Variants in ATP11C observed in about 807,000 individuals in gnomAD.
ATP11C encodes the protein phospholipid-transporting ATPase IG.
ATP11C carries 36 observed loss-of-function variants against 97.4 expected under a neutral mutation model. That is an observed-to-expected ratio of 0.37 (90% confidence interval 0.28 to 0.49). ATP11C has a LOEUF of 0.49. Ranked by LOEUF, ATP11C falls within the 20% of genes least tolerant of loss-of-function variation. The pLI, the probability that ATP11C is intolerant of heterozygous loss-of-function variation, is 0.98. For synonymous variants in ATP11C, 275 were observed against 290.9 expected, an observed-to-expected ratio of 0.95 and a Z score of 0.56; for missense variants, 730 against 824.6, an observed-to-expected ratio of 0.89 and a Z score of 1.40.
At chrX:139,801,102 C>G (rs2082918825) in intron 7 of ATP11C, among the ~76,000 whole-genome samples, 2 of 112,280 alleles carry the variant, frequency 1.8e-5, no homozygotes, top group African/African-American at 6.5e-5. Context: ...AAGGAATAAC[C>G]TTCCCTGTCC....
At chrX:139,826,619 T>C in intron 2 of ATP11C, 85 bp downstream of exon 2, 1 of 817,487 alleles carries the variant, frequency 1.2e-6, no homozygotes, top group Non-Finnish European at 1.8e-6. Flanking sequence ...CATACATAAA[T>C]GCATCAGTTT....
chrX:139,801,090 A>G (rs778488796), intron 7 of ATP11C, among the ~76,000 whole-genome samples: 33 of 112,558 alleles, frequency 2.9e-4, no homozygotes, highest in African/African-American at 9.7e-4. Context: ...GTCTAAGGAA[A>G]TAAGGAATAA....
chrX:139,739,628 T>C (rs909208671), intron 27 of ATP11C, among the ~76,000 whole-genome samples: 12 of 112,129 alleles, frequency 1.1e-4, no homozygotes, highest in African/African-American at 3.9e-4. Flanking sequence ...CACTAATGAA[T>C]AAACAGGTGT....
chrX:139,802,310 T>C lies in ATP11C; in HGVS notation c.585A>G (p.Ala195=), dbSNP rs911542561. The C allele has an allele frequency of 3.3e-6, 4 of 1,202,598 alleles. No individual in the cohort carries two copies. Among genetic ancestry groups the C allele is most frequent in the Non-Finnish European group, 4.5e-6 (4 of 888,548 alleles). ...KTHYAVRDTI[A]LCTAESIDTL... ...TATCGATGGATTCTGCTGTACACAGTGCAATGGTATCACGTACTGCATAAT... is the reference window on the plus strand; with the variant it reads ...TATCGATGGATTCTGCTGTACACAGCGCAATGGTATCACGTACTGCATAAT... Residue 195 remains alanine, a synonymous_variant, in exon 7 of 30, where the codon GCA becomes GCG. Transcript: ENST00000682941.
chrX:139,861,207 A>G (rs1376609096), intron 1 of ATP11C, among the ~76,000 whole-genome samples: 1 of 112,241 alleles, frequency 8.9e-6, no homozygotes, highest in Non-Finnish European at 1.9e-5. Context: ...CAAATATGAT[A>G]TGAGTCACGT....
In ATP11C at chrX:139,797,163, G is replaced by T; in HGVS notation, c.1008+13C>A. Reference sequence around the variant, plus strand: ...CAAAAAATAGTTTCAATTTTCAGCAGAAAACAAATTACCTTCAAGGTCTCT... The same window carrying T: ...CAAAAAATAGTTTCAATTTTCAGCATAAAACAAATTACCTTCAAGGTCTCT... On this transcript the variant is annotated intron_variant, in intron 11 of 29. Transcript: ENST00000682941. 8.4e-7 allele frequency: 1 copy of T among 1,197,558 alleles called. No individual in the cohort carries two copies. The highest frequency in any genetic ancestry group is 1.1e-6 in the Non-Finnish European group (1 of 890,924).
At chrX:139,762,901 C>A (rs1569441559) in intron 21 of ATP11C, among the ~76,000 whole-genome samples, 1 of 111,610 alleles carries the variant, frequency 9.0e-6, no homozygotes, top group Non-Finnish European at 1.9e-5. Flanking sequence ...TGAAAAACAG[C>A]CAACCAATTA....
chrX:139,775,027 G>T, intron 18 of ATP11C, 74 bp from the exon 19 acceptor site: 2 of 1,040,068 alleles, frequency 1.9e-6, no homozygotes, highest in Non-Finnish European at 2.6e-6. Context: ...TTATTAAAGA[G>T]AATATTTTTA....
intron 1 of ATP11C, among the ~76,000 whole-genome samples, chrX:139,894,886 G>A (rs780142635): frequency 1.7e-4 from 19 of 111,456 alleles, no homozygotes; most frequent in Non-Finnish European, 2.8e-4. Context: ...GCAAGACCCC[G>A]TCTCTACTAA....
chrX:139,741,499 A>G (rs1032102862), intron 26 of ATP11C, among the ~76,000 whole-genome samples: 2 of 111,001 alleles, frequency 1.8e-5, no homozygotes, highest in Non-Finnish European at 3.8e-5. Context: ...AGCTGAAAAG[A>G]AGTAGGAGAG....
chrX:139,768,887 ACT>A (rs1220859125), intron 19 of ATP11C, among the ~76,000 whole-genome samples: 2 of 107,349 alleles, frequency 1.9e-5, no homozygotes, highest in Non-Finnish European at 3.8e-5. Flanking sequence ...ACTTCCTGAG[ACT>A]TCCTAAGGCA....
chrX:139,868,941 G>T (rs997614593), intron 1 of ATP11C, among the ~76,000 whole-genome samples: 1 of 111,480 alleles, frequency 9.0e-6, no homozygotes, highest in Non-Finnish European at 1.9e-5. Flanking sequence ...CTGATAGAAT[G>T]GATATTATCA....
Position 139,799,727 on chromosome X carries a change from A to G in ATP11C, c.710+333T>C, listed in dbSNP as rs921849358. On this transcript the variant is annotated intron_variant, in intron 8 of 29. Coordinates refer to ENST00000682941, the MANE Select transcript of ATP11C (RefSeq NM_001353812.2). ...CAGTGCAATGGCTCAATCTTGGCTC[A>G]CTGCGACCTTCGCCTCCCGGGTTCA... Among the ~76,000 whole-genome samples, 17 of 91,079 alleles carry G rather than the reference A, an allele frequency of 1.9e-4. No individual in the cohort carries two copies. In the Admixed American group the frequency reaches 2.5e-3, roughly 13 times the overall value. The allele number at this position is 91,079 out of a possible 115,157, so 79.1% of individuals were successfully genotyped here. A position where few individuals can be genotyped will look rare whatever the true frequency, so the allele number is the denominator to read the frequency against.
chrX:139,743,673 C>T, intron 25 of ATP11C, 49 bp from the exon 26 acceptor site: 1 of 766,044 alleles, frequency 1.3e-6, no homozygotes, highest in Non-Finnish European at 1.8e-6. Flanking sequence ...CAAGTATTAT[C>T]TTAGTATTTT....
chrX:139,853,603 C>A (rs1044996111), intron 1 of ATP11C, among the ~76,000 whole-genome samples: 4 of 110,170 alleles, frequency 3.6e-5, no homozygotes. Flanking sequence ...CTATAACACT[C>A]CAATACCACT....
In ATP11C at chrX:139,792,503, T is replaced by C. The variant is rs897485919; in HGVS notation, c.1207-3015A>G. Among the ~76,000 whole-genome samples, 3 of 111,002 alleles carry C rather than the reference T, an allele frequency of 2.7e-5. No homozygotes were observed. The East Asian group carries it at 8.6e-4, about 32-fold the overall frequency. On this transcript the variant is annotated intron_variant, in intron 12 of 29. Transcript: ENST00000682941. ...ATACGTTACAACCTGAATTAGCAAC[T>C]GGCATCTGAAGTGGGGGGCAGTCTT...
intron 1 of ATP11C, among the ~76,000 whole-genome samples, chrX:139,898,975 T>C (rs1315252110): frequency 3.6e-5 from 4 of 111,679 alleles, no homozygotes; most frequent in Non-Finnish European, 7.5e-5. Context: ...AACATTTACC[T>C]TTGATATGAT....
intron 27 of ATP11C, among the ~76,000 whole-genome samples, chrX:139,740,587 C>T (rs1284545429): frequency 8.9e-6 from 1 of 111,903 alleles, no homozygotes; most frequent in Non-Finnish European, 1.9e-5. Context: ...TGGTTATATA[C>T]TATCAAGAGA....
At chrX:139,861,571 T>TC (rs2084196431) in intron 1 of ATP11C, among the ~76,000 whole-genome samples, 1 of 111,441 alleles carries the variant, frequency 9.0e-6, no homozygotes, top group Non-Finnish European at 1.9e-5. Flanking sequence ...GTTATTAATT[T>TC]CCCCATTTTA....
Sources: allele counts gnomAD v4.1 joint callset (sites outside exome capture counted in the v4.1 genomes callset), GRCh38; gene constraint gnomAD v4.1.1; transcripts MANE v1.5; gene names NCBI Gene and HGNC (gene_info 2026-07-23, HGNC 2026-07-21).